Variants in PLSCR2 observed in about 807,000 individuals in gnomAD.
PLSCR2 encodes the protein phospholipid scramblase 2.
In PLSCR2, 18 loss-of-function variants were observed where a neutral mutation model predicts 25.3. The ratio of observed to expected loss-of-function variants is 0.71; its 90% CI spans 0.49 to 1.06. PLSCR2 has a LOEUF of 1.06. Ranked by LOEUF, PLSCR2 falls within the 50% of genes least tolerant of loss-of-function variation. PLSCR2 has a pLI of 0.00. For synonymous variants in PLSCR2, 88 were observed against 87.3 expected (o/e 1.01, Z -0.04); for missense variants, 243 against 269.5 (o/e 0.90, Z 0.69).
intron 1 of PLSCR2, among the ~76,000 whole-genome samples, chr3:146,491,178 A>G (rs778269018): frequency 6.6e-5 from 10 of 151,954 alleles, no homozygotes; most frequent in Non-Finnish European, 1.3e-4. Context: ...TAGCTCCCCA[A>G]TCTCTTCTGG....
chr3:146,426,740 C>T (rs928370554), intron 2 of PLSCR2, among the ~76,000 whole-genome samples: 14 of 152,082 alleles, frequency 9.2e-5, no homozygotes, highest in African/African-American at 2.9e-4. Context: ...CAAGAACTAA[C>T]CTGAAATCTT....
At chr3:146,445,952 A>G (rs1265355920) in intron 6 of PLSCR2, among the ~76,000 whole-genome samples, 2 of 152,148 alleles carry the variant, frequency 1.3e-5, no homozygotes, top group African/African-American at 2.4e-5. Flanking sequence ...ATTCTTCATT[A>G]CATCAATTGC....
intron 5 of PLSCR2, among the ~76,000 whole-genome samples, chr3:146,450,047 A>G (rs1379964497): frequency 6.6e-6 from 1 of 152,218 alleles, no homozygotes; most frequent in Non-Finnish European, 1.5e-5. Flanking sequence ...AAAAAAATAA[A>G]GGTTGTAAAA....
chr3:146,425,788 A>G (rs1449429571), intron 2 of PLSCR2, among the ~76,000 whole-genome samples: 1 of 152,176 alleles, frequency 6.6e-6, no homozygotes, highest in Non-Finnish European at 1.5e-5. Flanking sequence ...AGTTAAAGGC[A>G]CTGAAGGGGT....
intron 1 of PLSCR2, among the ~76,000 whole-genome samples, chr3:146,480,519 C>T (rs936076663): frequency 2.0e-5 from 3 of 152,130 alleles, no homozygotes; most frequent in African/African-American, 4.8e-5. Context: ...ACACATACAA[C>T]CTCCCAAGAC....
intron 2 of PLSCR2, among the ~76,000 whole-genome samples, chr3:146,423,282 T>TCTCTCTCTCC (rs758576585): frequency 0.032 from 3,215 of 100,874 alleles, 617 homozygotes; most frequent in East Asian, 0.055. Context: ...TCTCTCTCTC[T>TCTCTCTCTCC]CCCTGGCTAG....
chr3:146,429,677 G>A (rs1373787982), downstream of PLSCR2, among the ~76,000 whole-genome samples: 1 of 151,970 alleles, frequency 6.6e-6, no homozygotes, highest in Non-Finnish European at 1.5e-5. Flanking sequence ...ACAGGCTGGA[G>A]TGCAGTGGCA....
chr3:146,428,883 C>T (rs1038156038), downstream of PLSCR2, among the ~76,000 whole-genome samples: 15 of 152,138 alleles, frequency 9.9e-5, no homozygotes, highest in Admixed American at 3.3e-4. Flanking sequence ...TTTAATGTAG[C>T]CCAAATATTC....
downstream of PLSCR2, among the ~76,000 whole-genome samples, chr3:146,428,857 A>G (rs2039444995): frequency 1.3e-5 from 2 of 152,234 alleles, no homozygotes. Flanking sequence ...TGCCATTAAA[A>G]GTTGCAAAAC....
chr3:146,443,000 A>G (rs2040341297), intron 6 of PLSCR2, among the ~76,000 whole-genome samples: 1 of 152,086 alleles, frequency 6.6e-6, no homozygotes, highest in Non-Finnish European at 1.5e-5. Context: ...AAAGGAAGCA[A>G]TAAACACAGT....
intron 2 of PLSCR2, among the ~76,000 whole-genome samples, chr3:146,402,592 C>T (rs979374457): frequency 6.6e-6 from 1 of 151,972 alleles, no homozygotes; most frequent in Non-Finnish European, 1.5e-5. Context: ...CTCAGCCTCC[C>T]GAGTAGCCAA....
At chr3:146,460,109 T>C (rs1407852018) in intron 1 of PLSCR2, 26 bp from the exon 2 acceptor site, 8 of 1,462,306 alleles carry the variant, frequency 5.5e-6, no homozygotes, top group Non-Finnish European at 7.3e-6. Flanking sequence ...GTAAAATAAT[T>C]TGTAGCTGCC....
chr3:146,440,013 G>C (rs2040137243), downstream of PLSCR2, among the ~76,000 whole-genome samples: 1 of 152,170 alleles, frequency 6.6e-6, no homozygotes, highest in Non-Finnish European at 1.5e-5. Flanking sequence ...TTTACCTGCA[G>C]GTCTGTTGGA....
chr3:146,410,232 A>G (rs559978006), intron 2 of PLSCR2, among the ~76,000 whole-genome samples: 1 of 152,268 alleles, frequency 6.6e-6, no homozygotes, highest in South Asian at 2.1e-4. Context: ...CCTTAAGATG[A>G]GAGAGTAGCC....
At chr3:146,402,779 T>C (rs1169181347) in intron 2 of PLSCR2, among the ~76,000 whole-genome samples, 1 of 152,150 alleles carries the variant, frequency 6.6e-6, no homozygotes, top group Non-Finnish European at 1.5e-5. Flanking sequence ...AAACATTCTG[T>C]TCTAATGCTA....
intron 6 of PLSCR2, among the ~76,000 whole-genome samples, chr3:146,444,703 C>G (rs545982715): frequency 1.2e-4 from 18 of 151,748 alleles, no homozygotes; most frequent in African/African-American, 4.3e-4. Context: ...TGTTTTTTTC[C>G]ATGCAATCAT....
chr3:146,396,295 G>C (rs75157097), intron 2 of PLSCR2, among the ~76,000 whole-genome samples: 6,202 of 151,950 alleles, frequency 0.041, 172 homozygotes, highest in Admixed American at 0.086. Context: ...TTTATTTTCT[G>C]GTTCCCTTTA....
At chr3:146,403,696 C>T (rs905134509) in intron 2 of PLSCR2, among the ~76,000 whole-genome samples, 8 of 151,812 alleles carry the variant, frequency 5.3e-5, no homozygotes, top group Admixed American at 2.0e-4. Flanking sequence ...TTTTTTGTGT[C>T]ACTATAGCAG....
chr3:146,458,948 G>A (rs2041388289), intron 2 of PLSCR2, among the ~76,000 whole-genome samples: 2 of 152,036 alleles, frequency 1.3e-5, no homozygotes, highest in Admixed American at 6.6e-5. Context: ...CACTGTGCAA[G>A]TGCATTGTGG....
Sources: allele counts gnomAD v4.1 joint callset (sites outside exome capture counted in the v4.1 genomes callset), GRCh38; gene constraint gnomAD v4.1.1; transcripts MANE v1.5; gene names NCBI Gene and HGNC (gene_info 2026-07-23, HGNC 2026-07-21).